XKR9: variants seen among roughly 807,000 people sequenced by gnomAD.
XKR9 encodes XK related 9.
A neutral mutation model predicts 32.0 loss-of-function variants in XKR9; 32 were observed. That is an observed-to-expected ratio of 1.00 (90% CI 0.76 to 1.34). The LOEUF is 1.34. XKR9 is among the 40% of genes most tolerant of loss of function. XKR9 has a pLI of 0.00. For missense variants in XKR9, 546 were observed against 429.7 expected (o/e 1.27, Z -2.39); for synonymous variants, 168 against 143.4 (o/e 1.17, Z -1.22).
intron 4 of XKR9, among the ~76,000 whole-genome samples, chr8:70,708,909 CA>C (rs1688843033): frequency 6.6e-6 from 1 of 151,768 alleles, no homozygotes; most frequent in Non-Finnish European, 1.5e-5. Flanking sequence ...GAAACTATTC[CA>C]AAAAATTGAG....
At chr8:70,823,699 T>G in the XKR9 span, among the ~76,000 whole-genome samples, 3 of 152,178 alleles carry the variant, frequency 2.0e-5, no homozygotes, top group Non-Finnish European at 4.4e-5. Flanking sequence ...ATGGATTTGA[T>G]TTTTTTGAAT....
chr8:70,758,148 G>T (rs1399068532), intron 2 of XKR9, among the ~76,000 whole-genome samples: 1 of 152,068 alleles, frequency 6.6e-6, no homozygotes, highest in African/African-American at 2.4e-5. Context: ...TTATAGTAAA[G>T]TCTCTCCCTT....
At chr8:71,065,313 G>A in the XKR9 span, among the ~76,000 whole-genome samples, 1 of 152,106 alleles carries the variant, frequency 6.6e-6, no homozygotes, top group Non-Finnish European at 1.5e-5. Flanking sequence ...GGCCTTATAA[G>A]AAGAAGAGGA....
the XKR9 span, among the ~76,000 whole-genome samples, chr8:70,894,998 G>T: frequency 6.6e-6 from 1 of 152,068 alleles, no homozygotes; most frequent in Admixed American, 6.5e-5. Flanking sequence ...AGGCCACAGG[G>T]GTTGGGGTAT....
At chr8:71,003,456 T>C in the XKR9 span, among the ~76,000 whole-genome samples, 6 of 152,200 alleles carry the variant, frequency 3.9e-5, no homozygotes, top group Non-Finnish European at 7.3e-5. Flanking sequence ...CTTTTTTTTT[T>C]CTTTTTCAAC....
At chr8:70,925,750 T>C in the XKR9 span, among the ~76,000 whole-genome samples, 7 of 152,050 alleles carry the variant, frequency 4.6e-5, no homozygotes, top group African/African-American at 1.7e-4. Context: ...AAAAGCACCA[T>C]GCAAAGGAAA....
chr8:70,747,557 A>G (rs745418341), intron 2 of XKR9, among the ~76,000 whole-genome samples: 86 of 152,312 alleles, frequency 5.6e-4, no homozygotes, highest in South Asian at 1.4e-3. Flanking sequence ...CCCACCAGCA[A>G]GAAGGGTCTC....
chr8:70,770,434 G>T (rs1036131605), intron 2 of XKR9, among the ~76,000 whole-genome samples: 5 of 152,208 alleles, frequency 3.3e-5, no homozygotes, highest in Admixed American at 3.3e-4. Flanking sequence ...AGCAGAGCTT[G>T]AGCGCTGTGC....
At chr8:70,772,563 TA>T (rs946314307) in intron 2 of XKR9, among the ~76,000 whole-genome samples, 3 of 152,220 alleles carry the variant, frequency 2.0e-5, no homozygotes, top group African/African-American at 7.2e-5. Flanking sequence ...AGGAATCTTA[TA>T]ACATTTGTGA....
At chr8:70,891,917 G>T in the XKR9 span, among the ~76,000 whole-genome samples, 2 of 151,918 alleles carry the variant, frequency 1.3e-5, no homozygotes, top group South Asian at 2.1e-4. Context: ...AACAATATTT[G>T]CTTTATATAC....
intron 3 of XKR9, among the ~76,000 whole-genome samples, chr8:70,702,964 A>G (rs1586834233): frequency 1.3e-5 from 2 of 152,228 alleles, no homozygotes; most frequent in East Asian, 1.9e-4. Flanking sequence ...CAACACTCTC[A>G]TTGTTTCCCT....
the XKR9 span, among the ~76,000 whole-genome samples, chr8:71,043,373 G>A: frequency 6.6e-6 from 1 of 152,242 alleles, no homozygotes; most frequent in East Asian, 1.9e-4. Flanking sequence ...TGAGTTGAAA[G>A]TAGGAGATAT....
the XKR9 span, among the ~76,000 whole-genome samples, chr8:70,808,054 C>A: frequency 6.6e-6 from 1 of 152,076 alleles, no homozygotes; most frequent in Non-Finnish European, 1.5e-5. Flanking sequence ...CCTCTAAAAT[C>A]ATAAGCAACA....
intron 2 of XKR9, among the ~76,000 whole-genome samples, chr8:70,746,910 C>CG (rs1807066598): frequency 6.6e-6 from 1 of 152,078 alleles, no homozygotes; most frequent in Non-Finnish European, 1.5e-5. Context: ...CAACCCTTGC[C>CG]CTCCTCCCTG....
At chr8:70,987,577 G>T in the XKR9 span, among the ~76,000 whole-genome samples, 1 of 152,330 alleles carries the variant, frequency 6.6e-6, no homozygotes, top group East Asian at 1.9e-4. Context: ...TGCCCCTGTG[G>T]CTTTGCAGGG....
the XKR9 span, among the ~76,000 whole-genome samples, chr8:70,984,614 GA>G: frequency 1.3e-5 from 2 of 152,052 alleles, no homozygotes; most frequent in Non-Finnish European, 2.9e-5. Context: ...TGGGCAAAGG[GA>G]AAAAAGGTAA....
At chr8:71,064,490 C>A in the XKR9 span, among the ~76,000 whole-genome samples, 5 of 151,988 alleles carry the variant, frequency 3.3e-5, no homozygotes, top group African/African-American at 7.2e-5. Flanking sequence ...AATATTGATA[C>A]CACGTATGGA....
chr8:70,792,780 A>G (rs1166657769), downstream of XKR9, among the ~76,000 whole-genome samples: 1 of 152,124 alleles, frequency 6.6e-6, no homozygotes, highest in East Asian at 1.9e-4. Context: ...AAACAAGCTT[A>G]TCAAATTTGT....
chr8:70,915,175 T>C, the XKR9 span, among the ~76,000 whole-genome samples: 1 of 152,040 alleles, frequency 6.6e-6, no homozygotes, highest in Non-Finnish European at 1.5e-5. Flanking sequence ...ATACAGGGTC[T>C]GAAAAATATC....
Sources: gnomAD v4.1 joint callset for allele counts (sites outside exome capture counted in the v4.1 genomes callset) on GRCh38, gnomAD v4.1.1 for gene constraint, MANE v1.5 for transcripts, NCBI Gene and HGNC (gene_info 2026-07-23, HGNC 2026-07-21) for gene names.